Variants in PKP2 observed in about 807,000 individuals in gnomAD.
The protein encoded by PKP2 is plakophilin 2, also known as plakophilin-2.
PKP2 carries 73 observed loss-of-function variants against 83.4 expected under a neutral mutation model. The observed-to-expected ratio is 0.88, with a 90% CI of 0.72 to 1.06. The LOEUF (loss-of-function observed/expected upper bound fraction) is 1.06. Ranked by LOEUF, PKP2 falls within the 50% of genes least tolerant of loss-of-function variation. The pLI, the probability that PKP2 is intolerant of heterozygous loss-of-function variation, is 0.00. For missense variants in PKP2, 966 were observed against 1,065.4 expected (o/e 0.91, Z 1.30); for synonymous variants, 409 against 430.4 (o/e 0.95, Z 0.62).
chr12:32,828,787 C>A (rs1300046273), intron 6 of PKP2, among the ~76,000 whole-genome samples: 1 of 152,130 alleles, frequency 6.6e-6, no homozygotes, highest in Non-Finnish European at 1.5e-5. Context: ...CCTGGGGAAA[C>A]AATGAGCTGA....
intron 1 of PKP2, among the ~76,000 whole-genome samples, chr12:32,889,682 G>A (rs906273753): frequency 1.8e-4 from 28 of 152,174 alleles, no homozygotes; most frequent in African/African-American, 2.4e-5. Flanking sequence ...TTGTCTTGGG[G>A]TAGATGGAAG....
chr12:32,872,318 A>C (rs565566825), intron 3 of PKP2, among the ~76,000 whole-genome samples: 4 of 152,070 alleles, frequency 2.6e-5, no homozygotes, highest in African/African-American at 9.7e-5. Context: ...GAAGCACCTG[A>C]GGTCAGGAGT....
At chr12:32,810,462 C>T (rs537141840) in intron 9 of PKP2, among the ~76,000 whole-genome samples, 15 of 152,250 alleles carry the variant, frequency 9.9e-5, no homozygotes, top group African/African-American at 3.6e-4. Context: ...GTCATGCACA[C>T]CTGTTTCAAG....
intron 1 of PKP2, among the ~76,000 whole-genome samples, chr12:32,892,307 A>G (rs60059851): frequency 0.04 from 5,927 of 149,436 alleles, 401 homozygotes; most frequent in African/African-American, 0.14. Flanking sequence ...TTCTCTCTCC[A>G]GAATTCACTT....
At chr12:32,792,803 G>C in intron 11 of PKP2, 72 bp from the exon 12 acceptor site, 1 of 1,186,556 alleles carries the variant, frequency 8.4e-7, no homozygotes, top group Non-Finnish European at 1.3e-6. Context: ...TGGGTGTTCT[G>C]TAAGACCTCT....
chr12:32,850,818 C>T lies in PKP2; in HGVS notation c.1326G>A (p.Leu442=), dbSNP rs377076035. The change falls in exon 5 of 13, where the codon CTG becomes CTA. Residue 442 remains leucine, a synonymous_variant. Transcript: ENST00000340811. ...EVAELNGVPR[L]LQVLKQTRDL... ...CTCTGGTTTGCTTCAGCACCTGGAG[C>T]AGCCGAGGTACCCCATTTAGTTCAG... 21 of 1,613,472 alleles carry T rather than the reference C, an allele frequency of 1.3e-5. No homozygotes were observed. Among genetic ancestry groups the T allele is most frequent in the Non-Finnish European group, 1.7e-5 (20 of 1,179,852 alleles).
Position 32,860,182 on chromosome 12 carries a change from G to A in PKP2, c.1170+8745C>T, listed in dbSNP as rs548289076. ...GAAACTCAACAGAGTTGAGGGCACA[G>A]AGCTCAGAGTTTGAGAAGACCAAAG... On this transcript the variant is annotated intron_variant, in intron 4 of 12. Transcript: ENST00000340811. 2.6e-5 allele frequency among the ~76,000 whole-genome samples: 4 copies of A among 152,340 alleles called. No individual in the cohort carries two copies. In the South Asian group the frequency reaches 6.2e-4, roughly 24 times the overall value.
rs1231494456 is a variant in PKP2, at chr12:32,896,514, C to G, written c.218G>C (p.Gly73Ala). The G allele has an allele frequency of 1.3e-6, 2 of 1,526,464 alleles. No homozygotes were observed. Among genetic ancestry groups the G allele is most frequent in the Non-Finnish European group, 1.8e-6 (2 of 1,141,130 alleles). The allele number at this position is 1,526,464 out of a possible 1,614,324, so 94.6% of individuals were successfully genotyped here. ...GAGCGGCGGGCTCCACTCACCGTTG[C>G]CCACGGAGCTGCGGCCCTTCCGGGC... ...TLARKGRSSV[G>A]NGNLHRTSSV... Residue 73 changes from glycine to alanine, a missense_variant, in exon 1 of 13, where the codon GGC (glycine) becomes GCC (alanine). Coordinates refer to ENST00000340811, the MANE Select transcript of PKP2 (RefSeq NM_001005242.3).
rs958681660 is a variant in PKP2, at chr12:32,896,576, C to CT, written c.155dup (p.Ser53GlufsTer33). ...GCACCTGCTCCTGGATCCGCAGGCT[C>CT]TTGACTGTCTGGCCGCCGCGGCCGC... On this transcript the variant is annotated frameshift_variant, in exon 1 of 13. Coordinates refer to ENST00000340811, the MANE Select transcript of PKP2 (RefSeq NM_001005242.3). LOFTEE classifies it high-confidence loss of function. The CT allele has an allele frequency of 6.3e-7, 1 of 1,590,898 alleles. No homozygotes were observed. Among genetic ancestry groups the CT allele is most frequent in the Non-Finnish European group, 8.5e-7 (1 of 1,177,030 alleles).
In PKP2 at chr12:32,841,138, C is replaced by T. The variant is rs370753286; in HGVS notation, c.1446G>A (p.Thr482=). Residue 482 remains threonine (T), a synonymous_variant, in exon 6 of 13, where the codon ACG becomes ACA. Transcript: ENST00000340811. ...AGGGGATGATGATATTCTCCGTCAG[C>T]GTAAGCAATGCTTCTGTTATCATGA... is the stretch of plus-strand genomic sequence containing the variant. The part of the protein sequence containing the change: ...KNLMITEALL[T]LTENIIIPFS... 27 of 1,612,788 alleles carry T rather than the reference C, an allele frequency of 1.7e-5. No homozygotes were observed. The highest frequency in any genetic ancestry group is 8.9e-5 in the East Asian group (4 of 44,878).
intron 9 of PKP2, among the ~76,000 whole-genome samples, chr12:32,806,755 G>T (rs1042643149): frequency 2.0e-5 from 3 of 150,076 alleles, no homozygotes; most frequent in Non-Finnish European, 4.4e-5. Flanking sequence ...TTGCCTTGGG[G>T]TTTGTTTGGT....
Position 32,824,088 on chromosome 12 carries a change from T to G in PKP2, c.1631A>C (p.His544Pro). 6.2e-7 allele frequency: 1 copy of G among 1,611,628 alleles called. No homozygotes were observed. Among genetic ancestry groups the G allele is most frequent in the Non-Finnish European group, 8.5e-7 (1 of 1,177,868 alleles). The change falls in exon 7 of 13, where the codon CAT (histidine) becomes CCT (proline). Residue 544 changes from histidine to proline, a missense_variant. Transcript: ENST00000340811. ...ATCTGCAATGGTTCCTCTGACATAA[T>G]GGACCAGTGAGTCAATGAGTCCGTC... ...RCDGLIDSLV[H>P]YVRGTIADYQ...
chr12:32,796,368 A>G (rs1956124809), intron 10 of PKP2, 70 bp from the exon 11 acceptor site: 2 of 1,321,854 alleles, frequency 1.5e-6, no homozygotes, highest in African/African-American at 2.9e-5. Context: ...ATCCCAATAT[A>G]TTTTGGGTGA....
chr12:32,860,900 C>T (rs528450030), intron 4 of PKP2, among the ~76,000 whole-genome samples: 1 of 152,046 alleles, frequency 6.6e-6, no homozygotes, highest in East Asian at 1.9e-4. Context: ...TGGTGGCATG[C>T]GCCTGTAATC....
chr12:32,814,684 G>T (rs1041781456), intron 9 of PKP2, among the ~76,000 whole-genome samples: 1 of 152,164 alleles, frequency 6.6e-6, no homozygotes, highest in African/African-American at 2.4e-5. Flanking sequence ...AGCACTTTGG[G>T]AGGCAGAGGA....
chr12:32,854,790 C>T (rs1956730724), intron 4 of PKP2, among the ~76,000 whole-genome samples: 1 of 152,170 alleles, frequency 6.6e-6, no homozygotes, highest in Non-Finnish European at 1.5e-5. Context: ...TCTATCTTCC[C>T]TGCCAATTAT....
intron 6 of PKP2, among the ~76,000 whole-genome samples, chr12:32,837,607 ATGAG>A (rs1286967240): frequency 6.6e-6 from 1 of 152,206 alleles, no homozygotes; most frequent in Non-Finnish European, 1.5e-5. Context: ...TGAAATTCAA[ATGAG>A]TGGTCTGGAC....
chr12:32,851,320 A>C (rs1423766335), intron 4 of PKP2, among the ~76,000 whole-genome samples: 1 of 152,232 alleles, frequency 6.6e-6, no homozygotes, highest in Non-Finnish European at 1.5e-5. Context: ...GGCAGTAAGG[A>C]GAGTTTTTTT....
At chr12:32,795,123 C>T (rs1956108787) in intron 11 of PKP2, among the ~76,000 whole-genome samples, 1 of 151,936 alleles carries the variant, frequency 6.6e-6, no homozygotes, top group Non-Finnish European at 1.5e-5. Context: ...ATGCCCCTTT[C>T]CAATCTCATC....
Sources: allele counts gnomAD v4.1 joint callset (sites outside exome capture counted in the v4.1 genomes callset), GRCh38; gene constraint gnomAD v4.1.1; transcripts MANE v1.5; gene names NCBI Gene and HGNC (gene_info 2026-07-23, HGNC 2026-07-21).